The following MN1 variants were observed in gnomAD, a reference collection of about 807,000 sequenced individuals.
MN1 encodes transcriptional activator MN1.
MN1 carries 19 observed loss-of-function variants against 86.9 expected under a neutral mutation model. The observed-to-expected ratio is 0.22, with a 90% CI of 0.15 to 0.32. The LOEUF (loss-of-function observed/expected upper bound fraction) is 0.32, where lower values mean the gene tolerates loss of function less well. MN1 is among the 10% of genes least tolerant of loss of function. The pLI is 1.00. For missense variants in MN1, 1,841 were observed against 1,862.0 expected, an observed-to-expected ratio of 0.99 and a Z score of 0.21; for synonymous variants, 928 against 849.6, an observed-to-expected ratio of 1.09 and a Z score of -1.60.
Position 27,798,807 on chromosome 22 carries a change from G to T in MN1, c.1737C>A (p.Gly579=). 1 of 1,536,440 alleles carries T rather than the reference G, an allele frequency of 6.5e-7. No homozygotes were observed. Among genetic ancestry groups the T allele is most frequent in the South Asian group, 1.2e-5 (1 of 83,996 alleles). Residue 579 remains glycine (G), a synonymous_variant, in exon 1 of 2, where the codon GGC becomes GGA. Transcript: ENST00000302326. ...RLRQPNLAQL[G]HPGDVGQGGL... The stretch of plus-strand genomic sequence containing the variant: ...CGCCCTGGCCCACGTCCCCGGGGTG[G>T]CCTAGCTGAGCCAGGTTGGGCTGGC...
intron 1 of MN1, among the ~76,000 whole-genome samples, chr22:27,781,435 C>T (rs1192463795): frequency 6.6e-6 from 1 of 152,142 alleles, no homozygotes; most frequent in African/African-American, 2.4e-5. Flanking sequence ...AAAGATCTCT[C>T]TAGACATTGC....
rs750209523 is a variant in MN1, at chr22:27,797,656, G to C, written c.2888C>G (p.Ser963Trp). ...VSPGTFFDKY[S>W]AAPDSGGAPG... ...TGCGCCCCCGCTGTCCGGAGCCGCC[G>C]AGTACTTGTCAAAGAAGGTGCCAGG... is the stretch of plus-strand genomic sequence containing the variant. The change falls in exon 1 of 2, where the codon TCG becomes TGG. Residue 963 changes from serine to tryptophan, a missense_variant. Coordinates refer to ENST00000302326, the MANE Select transcript of MN1 (RefSeq NM_002430.3). The C allele has an allele frequency of 7.2e-5, 116 of 1,602,772 alleles. No individual in the cohort carries two copies. Among genetic ancestry groups the C allele is most frequent in the Non-Finnish European group, 9.6e-5 (113 of 1,175,194 alleles).
At chr22:27,771,920 T>A (rs2146301941) in intron 1 of MN1, among the ~76,000 whole-genome samples, 1 of 152,290 alleles carries the variant, frequency 6.6e-6, no homozygotes, top group East Asian at 1.9e-4. Context: ...GGGGAGGAAA[T>A]CCTATACCTT....
In MN1 at chr22:27,799,957, C is replaced by G. The variant is rs762284892; in HGVS notation, c.587G>C (p.Ser196Thr). 1.9e-6 allele frequency: 3 copies of G among 1,603,228 alleles called. No individual in the cohort carries two copies. Among genetic ancestry groups the G allele is most frequent in the Non-Finnish European group, 2.6e-6 (3 of 1,175,646 alleles). Residue 196 changes from serine to threonine, a missense_variant, in exon 1 of 2, where the codon AGC becomes ACC. Coordinates refer to ENST00000302326, the MANE Select transcript of MN1 (RefSeq NM_002430.3). ...VPAPCLPLDQ[S>T]PNRAASFHGL... is the part of the protein sequence containing the mutation. ...GTGGAAGGAGGCGGCTCGGTTAGGGCTCTGGTCCAGCGGCAGGCATGGGGC... is the reference window on the plus strand; with the variant it reads ...GTGGAAGGAGGCGGCTCGGTTAGGGGTCTGGTCCAGCGGCAGGCATGGGGC...
chr22:27,767,002 G>A, intron 1 of MN1, among the ~76,000 whole-genome samples: 1 of 152,070 alleles, frequency 6.6e-6, no homozygotes, highest in South Asian at 2.1e-4. Context: ...GTGGGCTCCA[G>A]TGCCCCTCAT....
intron 1 of MN1, among the ~76,000 whole-genome samples, chr22:27,752,034 A>G (rs927611537): frequency 6.6e-6 from 1 of 152,146 alleles, no homozygotes; most frequent in Non-Finnish European, 1.5e-5. Context: ...ATTCCCTCCT[A>G]CGCTCTGGCC....
At chr22:27,763,846 C>T (rs2146297818) in intron 1 of MN1, among the ~76,000 whole-genome samples, 1 of 152,344 alleles carries the variant, frequency 6.6e-6, no homozygotes, top group South Asian at 2.1e-4. Context: ...TCCACCAGAG[C>T]AAAAGGCAGG....
chr22:27,795,625 T>TAGAA (rs1366498059), intron 1 of MN1, among the ~76,000 whole-genome samples: 3 of 151,712 alleles, frequency 2.0e-5, no homozygotes, highest in Non-Finnish European at 4.4e-5. Flanking sequence ...AAGAAAGACA[T>TAGAA]AGAAAGAAAG....
intron 1 of MN1, among the ~76,000 whole-genome samples, chr22:27,770,208 C>A (rs1287247594): frequency 6.6e-6 from 1 of 152,204 alleles, no homozygotes; most frequent in East Asian, 1.9e-4. Flanking sequence ...CCTCAGCCAC[C>A]AGGCAGGGCA....
Position 27,800,740 on chromosome 22 carries a change from T to C in MN1, c.-197A>G, listed in dbSNP as rs2146319102. ...ATTAGCTCCTCTCCTGAAGCTCCGATTCTGCCCGGGGAGGGCCTCTCACAT... is the reference window on the plus strand; with the variant it reads ...ATTAGCTCCTCTCCTGAAGCTCCGACTCTGCCCGGGGAGGGCCTCTCACAT... On this transcript the variant is annotated 5_prime_UTR_variant, in exon 1 of 2. Coordinates refer to ENST00000302326, the MANE Select transcript of MN1 (RefSeq NM_002430.3). 1.5e-6 allele frequency: 1 copy of C among 650,072 alleles called. No homozygotes were observed. The highest frequency in any genetic ancestry group is 1.9e-5 in the South Asian group (1 of 51,738). The allele number at this position is 650,072 out of a possible 1,614,324, so 40.3% of individuals were successfully genotyped here. A position where few individuals can be genotyped will look rare whatever the true frequency, so the allele number is the denominator to read the frequency against.
chr22:27,755,777 A>G (rs1932798290), intron 1 of MN1, among the ~76,000 whole-genome samples: 6 of 152,152 alleles, frequency 3.9e-5, no homozygotes. Flanking sequence ...TCCACAATGG[A>G]GACAGTCAGT....
rs1270755694 is a variant in MN1, at chr22:27,798,222, G to C, written c.2322C>G (p.Gly774=). The change falls in exon 1 of 2, where the codon GGC becomes GGG. Residue 774 remains glycine (G), a synonymous_variant. Coordinates refer to ENST00000302326, the MANE Select transcript of MN1 (RefSeq NM_002430.3). The part of the protein sequence containing the change: ...NSPPSAGGGG[G]SSGGGGGGGA... Reference sequence around the variant, plus strand: ...CCCCGCCACCGCCGCCACCAGAGCTGCCACCGCCCCCTCCCGCGCTGGGGG... The same window carrying C: ...CCCCGCCACCGCCGCCACCAGAGCTCCCACCGCCCCCTCCCGCGCTGGGGG... 12 of 1,524,924 alleles carry C rather than the reference G, an allele frequency of 7.9e-6. No individual in the cohort carries two copies. The Middle Eastern group carries it at 6.0e-4, about 77-fold the overall frequency. The allele number at this position is 1,524,924 out of a possible 1,614,324, so 94.5% of individuals were successfully genotyped here.
chr22:27,751,107 A>G lies in MN1; in HGVS notation c.3782-11T>C, dbSNP rs371574764. ...CAGGGAGGTCGTGGGCTGTGGAGAG[A>G]GAAGGAAGAGAGGACATTAGTGGCA... On this transcript the variant is annotated splice_polypyrimidine_tract_variant and intron_variant, in intron 1 of 1. Coordinates refer to ENST00000302326, the MANE Select transcript of MN1 (RefSeq NM_002430.3). 56 of 1,547,102 alleles carry G rather than the reference A, an allele frequency of 3.6e-5. No homozygotes were observed. Among genetic ancestry groups the G allele is most frequent in the Non-Finnish European group, 4.7e-5 (54 of 1,143,110 alleles).
rs1298963784 is a variant in MN1, at chr22:27,750,173, G to A, written c.*742C>T. ...GTCCTCACGTCCATCGCAGAGAGGG[G>A]CGGCTTCCAGCAGGAGAAGAGAGAA... On this transcript the variant is annotated 3_prime_UTR_variant, in exon 2 of 2. Coordinates refer to ENST00000302326, the MANE Select transcript of MN1 (RefSeq NM_002430.3). 4.3e-6 allele frequency: 1 copy of A among 231,554 alleles called. No individual in the cohort carries two copies. The highest frequency in any genetic ancestry group is 8.5e-6 in the Non-Finnish European group (1 of 117,056). The allele number at this position is 231,554 out of a possible 1,614,324, so 14.3% of individuals were successfully genotyped here.
intron 1 of MN1, among the ~76,000 whole-genome samples, chr22:27,787,880 C>T (rs556980976): frequency 1.3e-5 from 2 of 152,290 alleles, no homozygotes; most frequent in African/African-American, 2.4e-5. Context: ...TCAACAGAAA[C>T]GGGTCCTGAC....
rs765586902 is a variant in MN1 at position 27,751,091 on chromosome 22, C to T, written c.3787G>A (p.Asp1263Asn). ...GCTGAGGCCTTGTTTGCAGGGAGGTCGTGGGCTGTGGAGAGAGAAGGAAGA... is the reference window on the plus strand; with the variant it reads ...GCTGAGGCCTTGTTTGCAGGGAGGTTGTGGGCTGTGGAGAGAGAAGGAAGA... ...PQNPNSKEAH[D>N]LPANKASASQ... Residue 1263 changes from aspartate to asparagine, a missense_variant, in exon 2 of 2, where the codon GAC becomes AAC. Transcript: ENST00000302326. 13 of 1,573,886 alleles carry T rather than the reference C, an allele frequency of 8.3e-6. No individual in the cohort carries two copies. The highest frequency in any genetic ancestry group is 2.3e-5 in the East Asian group (1 of 43,642).
chr22:27,773,803 C>T (rs1020263382), intron 1 of MN1, among the ~76,000 whole-genome samples: 2 of 152,188 alleles, frequency 1.3e-5, no homozygotes, highest in East Asian at 1.9e-4. Flanking sequence ...CACAGACACA[C>T]GCCACCATGC....
intron 1 of MN1, among the ~76,000 whole-genome samples, chr22:27,763,371 C>T (rs1427430824): frequency 2.6e-5 from 4 of 152,188 alleles, no homozygotes; most frequent in South Asian, 2.1e-4. Flanking sequence ...TAAGTTCCCA[C>T]GCACTGCTTC....
Position 27,748,730 on chromosome 22 carries a change from T to C in MN1, c.*2185A>G, listed in dbSNP as rs1472483910. ...TGGGGTCGTGGGGAGCGAGAAAGTT[T>C]TTAAAACTTCAGGGGTTTCTGAGGT... On this transcript the variant is annotated 3_prime_UTR_variant, in exon 2 of 2. Transcript: ENST00000302326. 4.5e-6 allele frequency: 1 copy of C among 220,792 alleles called. No homozygotes were observed. The allele number at this position is 220,792 out of a possible 1,614,324, so 13.7% of individuals were successfully genotyped here. A position where few individuals can be genotyped will look rare whatever the true frequency, so the allele number is the denominator to read the frequency against.
Sources: allele counts gnomAD v4.1 joint callset (sites outside exome capture counted in the v4.1 genomes callset), GRCh38; gene constraint gnomAD v4.1.1; transcripts MANE v1.5; gene names NCBI Gene and HGNC (gene_info 2026-07-23, HGNC 2026-07-21).